The following TSHZ3 variants were observed in gnomAD, a reference collection of about 807,000 sequenced individuals.
The protein encoded by TSHZ3 is teashirt zinc finger homeobox 3.
In TSHZ3, 10 loss-of-function variants were observed where a neutral mutation model predicts 64.5. That is an observed-to-expected ratio of 0.16 (90% CI 0.10 to 0.26). The LOEUF is 0.26. TSHZ3 is among the 10% of genes least tolerant of loss of function. The pLI, the probability that TSHZ3 is intolerant of heterozygous loss-of-function variation, is 1.00. For synonymous variants in TSHZ3, 608 were observed against 593.1 expected (o/e 1.03, Z -0.36); for missense variants, 1,242 against 1,421.7 (o/e 0.87, Z 2.03).
At chr19:31,234,380 G>A (rs756456041) in intron 3 of TSHZ3, among the ~76,000 whole-genome samples, 1 of 151,050 alleles carries the variant, frequency 6.6e-6, no homozygotes. Flanking sequence ...TATTTATTTT[G>A]CCTTATGGCA....
intron 1 of TSHZ3, among the ~76,000 whole-genome samples, chr19:31,334,177 G>A (rs1917175576): frequency 6.6e-6 from 1 of 152,114 alleles, no homozygotes; most frequent in South Asian, 2.1e-4. Flanking sequence ...ACGTAGGGGA[G>A]GGTCCACTCT....
chr19:31,212,097 C>T (rs985952743), intron 4 of TSHZ3, among the ~76,000 whole-genome samples: 3 of 151,060 alleles, frequency 2.0e-5, no homozygotes, highest in African/African-American at 7.3e-5. Flanking sequence ...GAGATAAAAC[C>T]GTGAAATGTT....
At chr19:31,348,960 C>A (rs1599665693) in intron 1 of TSHZ3, 1 of 550,022 alleles carries the variant, frequency 1.8e-6, no homozygotes, top group East Asian at 3.5e-5. Flanking sequence ...GAGCGGCTCC[C>A]CAAATGGGTG....
rs1468996969 is a variant in TSHZ3 at position 31,154,548 on chromosome 19, G to C, written n.871+1808C>G. Among the ~76,000 whole-genome samples, 3 of 152,216 alleles carry C rather than the reference G, an allele frequency of 2.0e-5. No individual in the cohort carries two copies. In the South Asian group the frequency reaches 6.2e-4, roughly 31 times the overall value. The stretch of plus-strand genomic sequence containing the variant: ...GAAAAATAAGCCATGCAGACACTTT[G>C]AAGGGCTGGGGATAATGGAGTTTAT... On this transcript the variant is annotated intron_variant and non_coding_transcript_variant, in intron 6 of 6. Coordinates refer to the TSHZ3 transcript ENST00000651361.
intron 5 of TSHZ3, among the ~76,000 whole-genome samples, chr19:31,204,412 T>TTCCCTACC (rs1184860338): frequency 2.7e-5 from 4 of 150,902 alleles, no homozygotes; most frequent in Admixed American, 2.0e-4. Context: ...CCATTCCTCC[T>TTCCCTACC]TCCCTACCTC....
intron 5 of TSHZ3, among the ~76,000 whole-genome samples, chr19:31,175,711 G>A (rs1413269426): frequency 6.6e-6 from 1 of 152,204 alleles, no homozygotes; most frequent in East Asian, 1.9e-4. Flanking sequence ...CAAGGCACAG[G>A]GCCTCAGATG....
intron 3 of TSHZ3, among the ~76,000 whole-genome samples, chr19:31,231,407 C>A (rs1975538157): frequency 6.6e-6 from 1 of 152,298 alleles, no homozygotes; most frequent in Admixed American, 6.5e-5. Flanking sequence ...ATGCCCCGAT[C>A]CCGACTTCAC....
At chr19:31,321,314 C>T (rs1916763204) in intron 1 of TSHZ3, among the ~76,000 whole-genome samples, 1 of 152,208 alleles carries the variant, frequency 6.6e-6, no homozygotes, top group Non-Finnish European at 1.5e-5. Flanking sequence ...CAGGGCTGGA[C>T]GCTGCTCACT....
chr19:31,289,126 C>A (rs968444045), intron 1 of TSHZ3, among the ~76,000 whole-genome samples: 2 of 152,348 alleles, frequency 1.3e-5, no homozygotes, highest in South Asian at 4.1e-4. Flanking sequence ...TAGAGGTGCA[C>A]CAACTGCACA....
At chr19:31,259,431 C>T (rs1347754521) in intron 1 of TSHZ3, among the ~76,000 whole-genome samples, 1 of 152,150 alleles carries the variant, frequency 6.6e-6, no homozygotes, top group East Asian at 1.9e-4. Context: ...TAACAGTCTT[C>T]AGCCCACGAC....
chr19:31,185,332 T>C (rs1447816866), intron 5 of TSHZ3, among the ~76,000 whole-genome samples: 1 of 152,156 alleles, frequency 6.6e-6, no homozygotes, highest in African/African-American at 2.4e-5. Flanking sequence ...TCCTCACACC[T>C]TCCCTTCCTC....
chr19:31,332,409 A>G (rs1321992937), intron 1 of TSHZ3, among the ~76,000 whole-genome samples: 1 of 152,166 alleles, frequency 6.6e-6, no homozygotes, highest in Non-Finnish European at 1.5e-5. Context: ...CTGAAAGCTC[A>G]AGGCCATTTT....
rs186805177 is a variant in TSHZ3 at position 31,226,021 on chromosome 19, G to A, written n.686+1984C>T. Among the ~76,000 whole-genome samples the A allele has an allele frequency of 2.6e-5, 4 of 152,012 alleles. No homozygotes were observed. In the East Asian group the frequency reaches 7.8e-4, roughly 30 times the overall value. On this transcript the variant is annotated intron_variant and non_coding_transcript_variant, in intron 4 of 6. Transcript: ENST00000651361. Reference sequence around the variant, plus strand: ...GGGCACCTGTAATCCCAGCTACTTGGGAAGCTGAGGCAGGAGAATCACTGG... The same window carrying A: ...GGGCACCTGTAATCCCAGCTACTTGAGAAGCTGAGGCAGGAGAATCACTGG...
chr19:31,294,880 C>A (rs1976636844), intron 1 of TSHZ3, among the ~76,000 whole-genome samples: 1 of 152,146 alleles, frequency 6.6e-6, no homozygotes, highest in Non-Finnish European at 1.5e-5. Flanking sequence ...ATAATGAGAA[C>A]AGCACTCTCA....
chr19:31,295,857 G>A (rs961731545), intron 1 of TSHZ3, among the ~76,000 whole-genome samples: 5 of 149,870 alleles, frequency 3.3e-5, no homozygotes, highest in Non-Finnish European at 7.4e-5. Flanking sequence ...TGAGGTTTGG[G>A]CTATGATGGA....
chr19:31,169,212 G>A (rs1974500563), intron 5 of TSHZ3, among the ~76,000 whole-genome samples: 1 of 152,138 alleles, frequency 6.6e-6, no homozygotes, highest in Non-Finnish European at 1.5e-5. Context: ...CAGCCACTGT[G>A]GAAACAGTAC....
intron 5 of TSHZ3, among the ~76,000 whole-genome samples, chr19:31,175,624 G>A (rs768927289): frequency 6.6e-6 from 1 of 152,228 alleles, no homozygotes; most frequent in Non-Finnish European, 1.5e-5. Context: ...AGGGTCTTCA[G>A]GAAAGGGAGC....
chr19:31,238,205 T>C (rs1975644679), intron 3 of TSHZ3, among the ~76,000 whole-genome samples: 1 of 152,134 alleles, frequency 6.6e-6, no homozygotes, highest in Admixed American at 6.5e-5. Context: ...TTTCTATCAT[T>C]GTGGCTTTGT....
At chr19:31,318,161 G>A (rs1218888815) in intron 1 of TSHZ3, among the ~76,000 whole-genome samples, 2 of 152,098 alleles carry the variant, frequency 1.3e-5, no homozygotes, top group East Asian at 1.9e-4. Context: ...TTATTGAAAA[G>A]GCTTTCATTT....
Sources: gnomAD v4.1 joint callset for allele counts (sites outside exome capture counted in the v4.1 genomes callset) on GRCh38, gnomAD v4.1.1 for gene constraint, MANE v1.5 for transcripts, NCBI Gene and HGNC (gene_info 2026-07-23, HGNC 2026-07-21) for gene names.